CSNK1D: variants seen among roughly 807,000 people sequenced by gnomAD.
CSNK1D encodes casein kinase I isoform delta.
In CSNK1D, 16 loss-of-function variants were observed where a neutral mutation model predicts 46.6. The observed-to-expected ratio is 0.34, with a 90% CI of 0.23 to 0.52. The LOEUF (loss-of-function observed/expected upper bound fraction) is 0.52. Ranked by LOEUF, CSNK1D falls within the 20% of genes least tolerant of loss-of-function variation. The pLI is 0.95. For missense variants in CSNK1D, 398 were observed against 578.4 expected (o/e 0.69, Z 3.20); for synonymous variants, 276 against 228.2 (o/e 1.21, Z -1.89).
intron 3 of CSNK1D, chr17:82,254,678 G>A (rs368824965): frequency 5.2e-4 from 56 of 107,842 alleles, no homozygotes; most frequent in East Asian, 7.8e-4. Flanking sequence ...CAGCTGAGCC[G>A]CCGGAGCCTC....
downstream of CSNK1D, among the ~76,000 whole-genome samples, chr17:82,240,833 G>T (rs925512955): frequency 6.6e-6 from 1 of 152,172 alleles, no homozygotes; most frequent in East Asian, 1.9e-4. Flanking sequence ...CAGGGTGGGC[G>T]TGAGTGGGCG....
chr17:82,273,559 C>T lies in CSNK1D; in HGVS notation c.-178G>A. The T allele has an allele frequency of 1.4e-6, 1 of 735,232 alleles. No individual in the cohort carries two copies. The highest frequency in any genetic ancestry group is 2.2e-6 in the Non-Finnish European group (1 of 458,940). The allele number at this position is 735,232 out of a possible 1,614,324, so 45.5% of individuals were successfully genotyped here. On this transcript the variant is annotated 5_prime_UTR_variant, in exon 1 of 9. Coordinates refer to ENST00000314028, the MANE Select transcript of CSNK1D (RefSeq NM_001893.6). The surrounding 1 kb of genome is among the most constrained non-coding windows in gnomAD (Gnocchi z 5.1). The stretch of plus-strand genomic sequence containing the variant: ...CCGCTCCCAGCGCCTCAATACGGGG[C>T]GGATGGGACAGTCCGAGCGCCGCCG...
At chr17:82,257,513 A>C (rs1212856103) in intron 2 of CSNK1D, among the ~76,000 whole-genome samples, 1 of 152,206 alleles carries the variant, frequency 6.6e-6, no homozygotes, top group Non-Finnish European at 1.5e-5. Context: ...CTCACACCTT[A>C]AGTAACTAAG....
intron 2 of CSNK1D, among the ~76,000 whole-genome samples, chr17:82,262,557 A>G (rs762446764): frequency 6.6e-6 from 1 of 152,204 alleles, no homozygotes; most frequent in Non-Finnish European, 1.5e-5. Context: ...ACGTGAAAGG[A>G]AGGAAAACCG....
At chr17:82,242,177 C>T (rs957620591), downstream of CSNK1D, among the ~76,000 whole-genome samples, 9 of 148,872 alleles carry the variant, frequency 6.0e-5, no homozygotes, top group East Asian at 2.0e-4. Flanking sequence ...TGACAGCCCC[C>T]GCAGGCCTTG....
chr17:82,249,528 G>C lies in CSNK1D; in HGVS notation c.960C>G (p.Asn320Lys), dbSNP rs1295552778. 3 of 1,545,274 alleles carry C rather than the reference G, an allele frequency of 1.9e-6. No individual in the cohort carries two copies. Among genetic ancestry groups the C allele is most frequent in the Admixed American group, 3.9e-5 (2 of 51,050 alleles). Residue 320 changes from asparagine to lysine, a missense_variant, in exon 7 of 9, where the codon AAC becomes AAG. By Grantham distance (94) the Asn-to-Lys change is moderately conservative. Coordinates refer to ENST00000314028, the MANE Select transcript of CSNK1D (RefSeq NM_001893.6). This position sits in a 1 kb window ranked among gnomAD's most constrained non-coding sequence, Gnocchi z 6.7. ...TGGAAGGGAGGCCGCGGGTAGCCGG[G>C]TTCCGCGAGTGTCTCAGCCGCTCCT... ...DREERLRHSR[N>K]PATRGLPSTA...
At chr17:82,257,552 A>G (rs1318249254) in intron 2 of CSNK1D, among the ~76,000 whole-genome samples, 8 of 152,202 alleles carry the variant, frequency 5.3e-5, no homozygotes, top group Non-Finnish European at 4.4e-5. Context: ...ACCCTCACAC[A>G]TCACAGGGTG....
At position 82,248,751 on chromosome 17, in the gene CSNK1D, G is replaced by A; in HGVS notation, c.1197+124C>T. On this transcript the variant is annotated intron_variant, in intron 8 of 8. Coordinates refer to ENST00000314028, the MANE Select transcript of CSNK1D (RefSeq NM_001893.6). This position sits in a 1 kb window ranked among gnomAD's most constrained non-coding sequence, Gnocchi z 4.1. ...CAACCAAGACGCCACACCCTGGCGA[G>A]ATTAAAAACTCTCAAAAATGGGGGG... 1.3e-6 allele frequency: 2 copies of A among 1,517,756 alleles called. No individual in the cohort carries two copies. The highest frequency in any genetic ancestry group is 1.8e-6 in the Non-Finnish European group (2 of 1,135,642). The allele number at this position is 1,517,756 out of a possible 1,614,324, so 94.0% of individuals were successfully genotyped here. A position where few individuals can be genotyped will look rare whatever the true frequency, so the allele number is the denominator to read the frequency against.
At chr17:82,269,206 G>T (rs1234973847) in intron 1 of CSNK1D, among the ~76,000 whole-genome samples, 1 of 151,870 alleles carries the variant, frequency 6.6e-6, no homozygotes, top group Non-Finnish European at 1.5e-5. Context: ...CTGGATGCTG[G>T]CAACTCCCAT....
chr17:82,244,667 C>T lies in CSNK1D; in HGVS notation c.*114G>A. The T allele has an allele frequency of 6.3e-7, 1 of 1,577,622 alleles. No homozygotes were observed. The highest frequency in any genetic ancestry group is 8.6e-7 in the Non-Finnish European group (1 of 1,166,674). On this transcript the variant is annotated 3_prime_UTR_variant, in exon 9 of 9. Coordinates refer to ENST00000314028, the MANE Select transcript of CSNK1D (RefSeq NM_001893.6). ...GTCGCTGGGTGAGTGGCCTGGAGAG[C>T]TCCCGGTGTTAACATTTCGATCCTA...
chr17:82,251,919 G>A lies in CSNK1D; in HGVS notation c.737-392C>T, dbSNP rs758262222. 4.0e-4 allele frequency: 132 copies of A among 329,120 alleles called. No homozygotes were observed. Among genetic ancestry groups the A allele is most frequent in the Admixed American group, 9.0e-4 (19 of 21,156 alleles). 20.4% of individuals were successfully genotyped at this position (329,120 alleles called of 1,614,324 possible). On this transcript the variant is annotated intron_variant, in intron 5 of 8. Transcript: ENST00000314028. This position sits in a 1 kb window ranked among gnomAD's most constrained non-coding sequence, Gnocchi z 4.5. ...TGACGCAGGAGAATGGTATGAACCC[G>A]GGAGGCGGAGCTTGCAGTGAGCCGA...
At chr17:82,240,736 C>T (rs1173235205), downstream of CSNK1D, among the ~76,000 whole-genome samples, 1 of 152,204 alleles carries the variant, frequency 6.6e-6, no homozygotes, top group Non-Finnish European at 1.5e-5. Flanking sequence ...GGACCGTGCT[C>T]AGTGATTCAG....
chr17:82,258,953 G>A (rs900861019), intron 2 of CSNK1D, among the ~76,000 whole-genome samples: 5 of 152,230 alleles, frequency 3.3e-5, no homozygotes, highest in Admixed American at 6.5e-5. Flanking sequence ...TTCTTCACAA[G>A]TGTTTTAATT....
In CSNK1D at chr17:82,249,275, G is replaced by A. The variant is rs2050934193; in HGVS notation, c.1057+156C>T. On this transcript the variant is annotated intron_variant, in intron 7 of 8. Transcript: ENST00000314028. The surrounding 1 kb of genome is among the most constrained non-coding windows in gnomAD (Gnocchi z 6.7). The stretch of plus-strand genomic sequence containing the variant: ...AGCAGGTGCCGGCATTTCTAAAGGC[G>A]CCTGGGCAGCCTGGCTCATCCACCC... 10 of 859,112 alleles carry A rather than the reference G, an allele frequency of 1.2e-5. No homozygotes were observed. The highest frequency in any genetic ancestry group is 8.7e-5 in the South Asian group (5 of 57,186). The allele number at this position is 859,112 out of a possible 1,614,324, so 53.2% of individuals were successfully genotyped here.
At position 82,252,287 on chromosome 17, in the gene CSNK1D, C is replaced by G. The variant is rs1568563273; in HGVS notation, c.736+147G>C. ...AGGAGGGCAGGCTGTTACCTCCATA[C>G]ACAAAAGCGCCCCGCTTTCCTGCCA... On this transcript the variant is annotated intron_variant, in intron 5 of 8. Transcript: ENST00000314028. This position sits in a 1 kb window ranked among gnomAD's most constrained non-coding sequence, Gnocchi z 4.6. The G allele has an allele frequency of 1.1e-6, 1 of 918,220 alleles. No homozygotes were observed. The highest frequency in any genetic ancestry group is 1.7e-5 in the Admixed American group (1 of 58,306). 56.9% of individuals were successfully genotyped at this position (918,220 alleles called of 1,614,324 possible).
chr17:82,265,551 G>T, intron 2 of CSNK1D, 135 bp downstream of exon 2: 2 of 735,882 alleles, frequency 2.7e-6, no homozygotes, highest in Non-Finnish European at 4.9e-6. Flanking sequence ...TGACTGCTTT[G>T]TCAGGGTGTG....
intron 1 of CSNK1D, 53 bp from the exon 2 acceptor site, chr17:82,265,849 C>A: frequency 7.2e-7 from 1 of 1,387,998 alleles, no homozygotes; most frequent in East Asian, 2.3e-5. Context: ...CACCAAATAA[C>A]CCAACATGCT....
At chr17:82,260,200 G>A (rs1283145636) in intron 2 of CSNK1D, among the ~76,000 whole-genome samples, 1 of 149,350 alleles carries the variant, frequency 6.7e-6, no homozygotes, top group African/African-American at 2.5e-5. Context: ...GGTGACTGAT[G>A]GTGTACTGAC....
Position 82,273,274 on chromosome 17 carries a change from T to TCGGGCGG in CSNK1D, c.76+25_76+31dup, listed in dbSNP as rs61623208. ...CTTGGCAGCCGCAGGGCCCGGGTCT[T>TCGGGCGG]CGGGCGGCGGGCGGGGGCGGCGGGG... On this transcript the variant is annotated intron_variant, in intron 1 of 8. Transcript: ENST00000314028. The surrounding 1 kb of genome is among the most constrained non-coding windows in gnomAD (Gnocchi z 5.1). 14,760 of 1,589,468 alleles carry TCGGGCGG rather than the reference T, an allele frequency of 9.3e-3. 1,190 individuals carry two copies. In the African/African-American group the frequency reaches 0.18, roughly 19 times the overall value.
Sources: allele counts gnomAD v4.1 joint callset (sites outside exome capture counted in the v4.1 genomes callset), GRCh38; gene constraint gnomAD v4.1.1; non-coding constraint Gnocchi (gnomAD v3.1); transcripts MANE v1.5; gene names NCBI Gene and HGNC (gene_info 2026-07-23, HGNC 2026-07-21).